The following TRPC6 variants were observed in gnomAD, a reference collection of about 807,000 sequenced individuals.
The protein encoded by TRPC6 is transient receptor potential cation channel subfamily C member 6, also known as short transient receptor potential channel 6.
In TRPC6, 55 loss-of-function variants were observed where a neutral mutation model predicts 90.7. That is an observed-to-expected ratio of 0.61 (90% CI 0.49 to 0.76). TRPC6 has a LOEUF of 0.76. TRPC6 is among the 30% of genes least tolerant of loss of function. The pLI is 0.00. For synonymous variants in TRPC6, 393 were observed against 393.0 expected (o/e 1.00, Z 0.00); for missense variants, 989 against 1,122.7 (o/e 0.88, Z 1.70).
intron 3 of TRPC6, among the ~76,000 whole-genome samples, chr11:101,489,925 T>A (rs918596100): frequency 6.6e-6 from 1 of 152,086 alleles, no homozygotes. Flanking sequence ...CTCAGAATGG[T>A]AAAGTTGGAT....
At position 101,583,518 on chromosome 11, in the gene TRPC6, A is replaced by G; in HGVS notation, c.-15T>C. On this transcript the variant is annotated 5_prime_UTR_variant, in exon 1 of 13. Coordinates refer to ENST00000344327, the MANE Select transcript of TRPC6 (RefSeq NM_004621.6). ...CTCTGGCTCATGGCGGGAACGCCCG[A>G]CTGGCCTGGGCCCCGCTCCCGGGGG... 1 of 1,464,032 alleles carries G rather than the reference A, an allele frequency of 6.8e-7. No homozygotes were observed. Among genetic ancestry groups the G allele is most frequent in the Non-Finnish European group, 9.0e-7 (1 of 1,110,480 alleles). 90.7% of individuals were successfully genotyped at this position (1,464,032 alleles called of 1,614,324 possible).
At chr11:101,473,921 C>T in intron 6 of TRPC6, 148 bp from the exon 7 acceptor site, 2 of 1,076,164 alleles carry the variant, frequency 1.9e-6, no homozygotes, top group Non-Finnish European at 2.7e-6. Flanking sequence ...TAAGTGTCTG[C>T]TAGAGTTGAG....
At position 101,555,044 on chromosome 11, in the gene TRPC6, G is replaced by A. The variant is rs148122580; in HGVS notation, c.170+28290C>T. ...CTTACCTAGGTAATTTCAGTGCTAT[G>A]ACACTGCGGTCTGATAGTCACTGAG... On this transcript the variant is annotated intron_variant, in intron 1 of 12. Transcript: ENST00000344327. Among the ~76,000 whole-genome samples the A allele has an allele frequency of 5.1e-3, 780 of 152,248 alleles. 6 individuals carry two copies. The highest frequency in any genetic ancestry group is 6.6e-3 in the Admixed American group (101 of 15,272).
rs112823296 is a variant in TRPC6, at chr11:101,513,389, T to G, written c.171-8591A>C. 3.0e-4 allele frequency among the ~76,000 whole-genome samples: 46 copies of G among 152,280 alleles called. 1 individual carries two copies. Among genetic ancestry groups the G allele is most frequent in the African/African-American group, 1.0e-3 (43 of 41,552 alleles). ...CACCCAGCATATGCTCTAGATACAATAATTTGACTTTGCCATAATTAACTC... is the reference window on the plus strand; with the variant it reads ...CACCCAGCATATGCTCTAGATACAAGAATTTGACTTTGCCATAATTAACTC... On this transcript the variant is annotated intron_variant, in intron 1 of 12. Transcript: ENST00000344327.
In TRPC6 at chr11:101,482,936, A is replaced by G. The variant is rs1859586577; in HGVS notation, c.1510+13T>C. ...ACTGCAAACAGAAAACATGACAGAA[A>G]ATCAGTCTTTACCTATTACCCAGGA... On this transcript the variant is annotated intron_variant, in intron 5 of 12. Coordinates refer to ENST00000344327, the MANE Select transcript of TRPC6 (RefSeq NM_004621.6). 1.2e-6 allele frequency: 2 copies of G among 1,613,376 alleles called. No individual in the cohort carries two copies. Among genetic ancestry groups the G allele is most frequent in the Non-Finnish European group, 1.7e-6 (2 of 1,179,562 alleles).
At position 101,500,437 on chromosome 11, in the gene TRPC6, T is replaced by C. The variant is rs562188380; in HGVS notation, c.945+3587A>G. Among the ~76,000 whole-genome samples the C allele has an allele frequency of 1.2e-4, 18 of 152,150 alleles. No homozygotes were observed. In the Middle Eastern group the frequency reaches 0.014, roughly 115 times the overall value. ...GTTGGTCAGACTGGTCTCAAACTCC[T>C]GACCTCATGATCCACCCACCTCGGC... On this transcript the variant is annotated intron_variant, in intron 2 of 12. Coordinates refer to ENST00000344327, the MANE Select transcript of TRPC6 (RefSeq NM_004621.6).
chr11:101,496,923 T>A (rs1014851036), intron 2 of TRPC6, among the ~76,000 whole-genome samples: 5 of 152,164 alleles, frequency 3.3e-5, no homozygotes, highest in African/African-American at 1.2e-4. Flanking sequence ...TGCATTTATT[T>A]GTTTATGTTT....
intron 1 of TRPC6, among the ~76,000 whole-genome samples, chr11:101,559,139 T>A (rs950495834): frequency 6.6e-6 from 1 of 152,096 alleles, no homozygotes; most frequent in Non-Finnish European, 1.5e-5. Context: ...ATCCACACTA[T>A]ATAAGGGGCT....
Position 101,452,158 on chromosome 11 carries a change from A to T in TRPC6, c.*797T>A, listed in dbSNP as rs200110123. 1.1e-4 allele frequency: 17 copies of T among 152,172 alleles called. No homozygotes were observed. The highest frequency in any genetic ancestry group is 2.0e-4 in the Admixed American group (3 of 15,282). 9.4% of individuals were successfully genotyped at this position (152,172 alleles called of 1,614,324 possible). On this transcript the variant is annotated 3_prime_UTR_variant, in exon 13 of 13. Coordinates refer to ENST00000344327, the MANE Select transcript of TRPC6 (RefSeq NM_004621.6). ...GGGGTTTTGATTTTTCTCCAATAAAAGGTACTTATTTAGACAGTAAAATTT... is the reference window on the plus strand; with the variant it reads ...GGGGTTTTGATTTTTCTCCAATAAATGGTACTTATTTAGACAGTAAAATTT...
chr11:101,460,172 C>T (rs1358507694), intron 10 of TRPC6, among the ~76,000 whole-genome samples: 2 of 152,036 alleles, frequency 1.3e-5, no homozygotes, highest in Non-Finnish European at 2.9e-5. Context: ...CATATTAATC[C>T]ATTATATATG....
At chr11:101,503,954 T>TG in intron 2 of TRPC6, 70 bp downstream of exon 2, 1 of 1,588,820 alleles carries the variant, frequency 6.3e-7, no homozygotes, top group East Asian at 2.2e-5. Flanking sequence ...GCTGAGCACA[T>TG]GGGGGAAGCT....
chr11:101,537,262 G>T (rs977791208), intron 1 of TRPC6, among the ~76,000 whole-genome samples: 3 of 151,714 alleles, frequency 2.0e-5, no homozygotes, highest in Non-Finnish European at 4.4e-5. Flanking sequence ...TGATTCCCAA[G>T]GACACAAGGG....
intron 2 of TRPC6, among the ~76,000 whole-genome samples, chr11:101,497,863 C>A (rs1463218939): frequency 6.6e-6 from 1 of 151,964 alleles, no homozygotes; most frequent in Non-Finnish European, 1.5e-5. Flanking sequence ...TTGCCCCCCA[C>A]CCCCTGACAG....
At chr11:101,535,722 G>C (rs1861030518) in intron 1 of TRPC6, among the ~76,000 whole-genome samples, 1 of 152,150 alleles carries the variant, frequency 6.6e-6, no homozygotes. Flanking sequence ...GGAGTTAGAA[G>C]TTAGGATGGA....
At chr11:101,572,735 A>G (rs1861990856) in intron 1 of TRPC6, among the ~76,000 whole-genome samples, 1 of 152,170 alleles carries the variant, frequency 6.6e-6, no homozygotes, top group Non-Finnish European at 1.5e-5. Context: ...GGAAACCATC[A>G]CTCTCAGCAA....
intron 6 of TRPC6, 61 bp downstream of exon 6, chr11:101,476,240 G>A: frequency 7.2e-7 from 1 of 1,393,458 alleles, no homozygotes. Context: ...AACTACTACT[G>A]ACATCTGTTT....
At chr11:101,482,057 C>A (rs1403509995) in intron 5 of TRPC6, among the ~76,000 whole-genome samples, 1 of 152,170 alleles carries the variant, frequency 6.6e-6, no homozygotes, top group Non-Finnish European at 1.5e-5. Flanking sequence ...GCTTCTTGCC[C>A]CTTCCATTTC....
Position 101,579,170 on chromosome 11 carries a change from T to C in TRPC6, c.170+4164A>G, listed in dbSNP as rs557441613. ...AAATATTTTTTATGTCTCTGCATTT[T>C]GGGTATTATCATCAATTATGTTCTA... is the stretch of plus-strand genomic sequence containing the variant. On this transcript the variant is annotated intron_variant, in intron 1 of 12. Coordinates refer to ENST00000344327, the MANE Select transcript of TRPC6 (RefSeq NM_004621.6). Among the ~76,000 whole-genome samples the C allele has an allele frequency of 2.0e-5, 3 of 152,310 alleles. No homozygotes were observed. In the South Asian group the frequency reaches 6.2e-4, roughly 32 times the overall value.
In TRPC6 at chr11:101,489,021, C is replaced by T. The variant is rs374441143; in HGVS notation, c.1209G>A (p.Met403Ile). 28 of 1,614,070 alleles carry T rather than the reference C, an allele frequency of 1.7e-5. No individual in the cohort carries two copies. The highest frequency in any genetic ancestry group is 2.4e-5 in the Non-Finnish European group (28 of 1,180,028). Residue 403 changes from methionine (M) to isoleucine (I), a missense_variant, in exon 4 of 13, where the codon ATG becomes ATA. This residue lies in a region of TRPC6 where 486 missense variants were observed against 591.9 expected (regional missense o/e 0.82). Transcript: ENST00000344327. ...ENLSGLRQQT[M>I]AVKFLVVLAV... ...CAAGGACCACAAGGAACTTGACCGCCATTGTCTGCTGTCGTAAACCAGAAA... is the reference window on the plus strand; with the variant it reads ...CAAGGACCACAAGGAACTTGACCGCTATTGTCTGCTGTCGTAAACCAGAAA...
Sources: gnomAD v4.1 joint callset for allele counts (sites outside exome capture counted in the v4.1 genomes callset) on GRCh38, gnomAD v4.1.1 for gene constraint, gnomAD v4.1.1 regional missense constraint, MANE v1.5 for transcripts, NCBI Gene and HGNC (gene_info 2026-07-23, HGNC 2026-07-21) for gene names.